The following RFX3 variants were observed in gnomAD, a reference collection of about 807,000 sequenced individuals.
The protein encoded by RFX3 is regulatory factor X3.
Under a neutral mutation model 98.6 loss-of-function variants are expected in RFX3, and 14 were observed. That is an observed-to-expected ratio of 0.14 (90% CI 0.09 to 0.22). RFX3 has a LOEUF of 0.22. RFX3 is among the 10% of genes least tolerant of loss of function. The probability of loss-of-function intolerance (pLI) is 1.00; values close to 1 mark genes in which losing one functional copy is unlikely to be tolerated. For missense variants in RFX3, 639 were observed against 926.9 expected, an observed-to-expected ratio of 0.69 and a Z score of 4.03; for synonymous variants, 383 against 328.4, an observed-to-expected ratio of 1.17 and a Z score of -1.80.
chr9:3,236,610 T>G (rs560442692), intron 15 of RFX3, among the ~76,000 whole-genome samples: 5 of 152,092 alleles, frequency 3.3e-5, no homozygotes, highest in African/African-American at 9.7e-5. Flanking sequence ...AGGTGGGCAG[T>G]CAGAGGCCAA....
chr9:3,304,211 C>T (rs955654318), intron 4 of RFX3, among the ~76,000 whole-genome samples: 4 of 151,906 alleles, frequency 2.6e-5, no homozygotes, highest in African/African-American at 9.7e-5. Flanking sequence ...TTCCGAGAAG[C>T]ATACAAAAAA....
chr9:3,367,843 T>C (rs777925499), intron 2 of RFX3, among the ~76,000 whole-genome samples: 1 of 152,188 alleles, frequency 6.6e-6, no homozygotes, highest in Non-Finnish European at 1.5e-5. Context: ...AATTGAAAAC[T>C]AAAAATATCA....
At chr9:3,307,637 T>C (rs1439014129) in intron 4 of RFX3, among the ~76,000 whole-genome samples, 1 of 152,216 alleles carries the variant, frequency 6.6e-6, no homozygotes, top group African/African-American at 2.4e-5. Flanking sequence ...TTCATCACTA[T>C]GTGATTAGAA....
intron 7 of RFX3, among the ~76,000 whole-genome samples, chr9:3,286,297 G>A (rs1826589588): frequency 6.6e-6 from 1 of 151,570 alleles, no homozygotes; most frequent in Non-Finnish European, 1.5e-5. Context: ...CAAACTCTAT[G>A]AGGTACTATC....
chr9:3,498,069 G>A (rs935834430), intron 1 of RFX3, among the ~76,000 whole-genome samples: 2 of 151,956 alleles, frequency 1.3e-5, no homozygotes, highest in African/African-American at 4.8e-5. Context: ...GCTATATGAG[G>A]ATCTGATTCT....
intron 4 of RFX3, among the ~76,000 whole-genome samples, chr9:3,328,265 A>AC (rs1339632117): frequency 1.3e-5 from 2 of 152,158 alleles, no homozygotes; most frequent in Non-Finnish European, 2.9e-5. Flanking sequence ...GCTATATACT[A>AC]CTGCCACCAT....
intron 2 of RFX3, among the ~76,000 whole-genome samples, chr9:3,365,276 G>C (rs1412025817): frequency 6.8e-6 from 1 of 147,002 alleles, no homozygotes; most frequent in Non-Finnish European, 1.5e-5. Context: ...CTCCAGCCTG[G>C]TGACAGAGAG....
At chr9:3,334,349 C>T (rs972957546) in intron 3 of RFX3, among the ~76,000 whole-genome samples, 1 of 152,154 alleles carries the variant, frequency 6.6e-6, no homozygotes, top group Non-Finnish European at 1.5e-5. Context: ...CTTACCACTT[C>T]GGATTGGAAT....
At chr9:3,249,640 C>A (rs1821122333) in intron 14 of RFX3, among the ~76,000 whole-genome samples, 1 of 152,016 alleles carries the variant, frequency 6.6e-6, no homozygotes, top group South Asian at 2.1e-4. Flanking sequence ...GAGGACCTCT[C>A]AATTCTGTGG....
chr9:3,462,794 A>C (rs1479535697), intron 1 of RFX3, among the ~76,000 whole-genome samples: 3 of 152,100 alleles, frequency 2.0e-5, no homozygotes, highest in Admixed American at 6.5e-5. Context: ...CATTGCTAGC[A>C]TTACAATAGC....
chr9:3,503,935 C>T (rs746122814), intron 1 of RFX3, among the ~76,000 whole-genome samples: 9 of 151,512 alleles, frequency 5.9e-5, no homozygotes, highest in Non-Finnish European at 1.0e-4. Context: ...TTTCTATTTG[C>T]CTATTATTGT....
At chr9:3,244,863 G>T (rs1195147122) in intron 15 of RFX3, among the ~76,000 whole-genome samples, 34 of 152,066 alleles carry the variant, frequency 2.2e-4, no homozygotes, top group Admixed American at 2.1e-3. Context: ...TCGAAGGCTG[G>T]GTAAAAATCC....
At chr9:3,488,625 G>T (rs991285264) in intron 1 of RFX3, among the ~76,000 whole-genome samples, 3 of 152,150 alleles carry the variant, frequency 2.0e-5, no homozygotes, top group African/African-American at 7.2e-5. Context: ...CTCTGAAATT[G>T]TAACTTCTAT....
intron 15 of RFX3, among the ~76,000 whole-genome samples, chr9:3,235,868 C>G (rs1212050551): frequency 6.6e-6 from 1 of 152,196 alleles, no homozygotes; most frequent in African/African-American, 2.4e-5. Context: ...AATTAGCAAC[C>G]TTAGTTCCAC....
intron 1 of RFX3, among the ~76,000 whole-genome samples, chr9:3,475,514 CAGAGAGAGAGGG>C (rs1309763903): frequency 1.3e-5 from 2 of 152,068 alleles, no homozygotes; most frequent in African/African-American, 4.8e-5. Flanking sequence ...CCAAGGCAGA[CAGAGAGAGAGGG>C]AGAGAGAGAG....
At chr9:3,424,723 G>A (rs1272674593) in intron 1 of RFX3, among the ~76,000 whole-genome samples, 1 of 151,964 alleles carries the variant, frequency 6.6e-6, no homozygotes, top group Non-Finnish European at 1.5e-5. Flanking sequence ...ATACAGAAAT[G>A]GCAAATACAA....
intron 1 of RFX3, among the ~76,000 whole-genome samples, chr9:3,410,163 G>C (rs1019916169): frequency 3.1e-4 from 37 of 120,168 alleles, no homozygotes; most frequent in African/African-American, 5.2e-4. Context: ...GAGATAAACT[G>C]TGTGTGTGTG....
At chr9:3,428,082 A>G (rs1340697060) in intron 1 of RFX3, among the ~76,000 whole-genome samples, 2 of 152,128 alleles carry the variant, frequency 1.3e-5, no homozygotes, top group African/African-American at 4.8e-5. Context: ...ACAGTCTTGC[A>G]CTGTCTGTTG....
At chr9:3,497,487 T>C (rs757366893) in intron 1 of RFX3, among the ~76,000 whole-genome samples, 1 of 152,002 alleles carries the variant, frequency 6.6e-6, no homozygotes, top group Non-Finnish European at 1.5e-5. Context: ...TACATTGAAC[T>C]GGAGCTGTAA....
Sources: allele counts gnomAD v4.1 joint callset (sites outside exome capture counted in the v4.1 genomes callset), GRCh38; gene constraint gnomAD v4.1.1; transcripts MANE v1.5; gene names NCBI Gene and HGNC (gene_info 2026-07-23, HGNC 2026-07-21).